The following METTL5 variants were observed in gnomAD, a reference collection of about 807,000 sequenced individuals.
METTL5 encodes rRNA N(6)-adenosine-methyltransferase METTL5.
A neutral mutation model predicts 26.5 loss-of-function variants in METTL5; 28 were observed. The observed-to-expected ratio is 1.06, with a 90% CI of 0.78 to 1.45. The LOEUF is 1.45. Ranked by LOEUF, METTL5 falls within the 40% of genes most tolerant of loss-of-function variation. METTL5 has a pLI of 0.00. For synonymous variants in METTL5, 86 were observed against 82.6 expected (o/e 1.04, Z -0.22); for missense variants, 231 against 249.9 (o/e 0.92, Z 0.51).
In METTL5 at chr2:169,820,988, G is replaced by T. The variant is rs1399104049; in HGVS notation, c.406+104C>A. ...CAAATGATCCTCCTGTATCAGCCTC[G>T]CAAAGCACTGGCATTACACGCCTGA... On this transcript the variant is annotated intron_variant, in intron 3 of 6. Transcript: ENST00000260953. 5 of 957,618 alleles carry T rather than the reference G, an allele frequency of 5.2e-6. No individual in the cohort carries two copies. In the Admixed American group the frequency reaches 8.6e-5, roughly 17 times the overall value. 59.3% of individuals were successfully genotyped at this position (957,618 alleles called of 1,614,324 possible).
At chr2:169,814,816 C>T (rs1388952971) in intron 5 of METTL5, among the ~76,000 whole-genome samples, 1 of 151,876 alleles carries the variant, frequency 6.6e-6, no homozygotes, top group Non-Finnish European at 1.5e-5. Flanking sequence ...ACCTCGTGAT[C>T]CGCCTGCCTC....
intron 3 of METTL5, among the ~76,000 whole-genome samples, chr2:169,819,963 T>C (rs1039950845): frequency 1.2e-5 from 1 of 84,956 alleles, no homozygotes; most frequent in Non-Finnish European, 2.3e-5. Context: ...TTTTAAACTA[T>C]GCATGTCTTT....
In METTL5 at chr2:169,821,127, ATTAC is replaced by A. The variant is rs2081577660; in HGVS notation, c.367_370del (p.Val123LeufsTer2). ...TTTGGTCCCAAAGGGAGGATTCATA[ATTAC>A]TGTATCGAATGACTTGGACATTCTG... is the stretch of plus-strand genomic sequence containing the variant. On this transcript the variant is annotated frameshift_variant, in exon 3 of 7. Coordinates refer to ENST00000260953, the MANE Select transcript of METTL5 (RefSeq NM_014168.4). LOFTEE classifies it high-confidence loss of function. 7 of 1,606,000 alleles carry A rather than the reference ATTAC, an allele frequency of 4.4e-6. No individual in the cohort carries two copies. The highest frequency in any genetic ancestry group is 5.9e-6 in the Non-Finnish European group (7 of 1,177,500).
Position 169,821,149 on chromosome 2 carries a change from A to C in METTL5, c.349T>G (p.Ser117Ala). Residue 117 changes from serine (S) to alanine (A), a missense_variant, in exon 3 of 7, where the codon TCC (serine) becomes GCC (alanine). Physicochemically the swap from Ser to Ala is moderately conservative, Grantham distance 99. Coordinates refer to ENST00000260953, the MANE Select transcript of METTL5 (RefSeq NM_014168.4). ...CDVCLLSNRM[S>A]KSFDTVIMNP... ...ATAATTACTGTATCGAATGACTTGG[A>C]CATTCTGTTAGATAATAAGCACACA... 1.2e-6 allele frequency: 2 copies of C among 1,611,658 alleles called. No homozygotes were observed. Among genetic ancestry groups the C allele is most frequent in the Non-Finnish European group, 1.7e-6 (2 of 1,179,042 alleles).
intron 1 of METTL5, 157 bp downstream of exon 1, chr2:169,824,332 G>C (rs1390381265): frequency 1.6e-6 from 1 of 622,788 alleles, no homozygotes; most frequent in African/African-American, 1.8e-5. Context: ...GGTGTGCCTT[G>C]AGCTGCAGTG....
chr2:169,817,724 A>G (rs938172724), intron 4 of METTL5, among the ~76,000 whole-genome samples: 2 of 131,652 alleles, frequency 1.5e-5, no homozygotes, highest in Admixed American at 8.3e-5. Flanking sequence ...ACGAGAACAC[A>G]TGGACACAGG....
In METTL5 at chr2:169,818,184, C is replaced by T. The variant is rs114130373; in HGVS notation, c.489+1377G>A. ...ACATGATCAGTCCCTAATAAAAGCCCTGGGCACTGAGTCTCTAATGAGCTT... is the reference window on the plus strand; with the variant it reads ...ACATGATCAGTCCCTAATAAAAGCCTTGGGCACTGAGTCTCTAATGAGCTT... On this transcript the variant is annotated intron_variant, in intron 4 of 6. Coordinates refer to ENST00000260953, the MANE Select transcript of METTL5 (RefSeq NM_014168.4). Among the ~76,000 whole-genome samples the T allele has an allele frequency of 8.5e-3, 1,295 of 152,248 alleles. 23 individuals are homozygous for T. Among genetic ancestry groups the T allele is most frequent in the African/African-American group, 0.029 (1,202 of 41,544 alleles).
At chr2:169,822,136 T>C in intron 1 of METTL5, 79 bp from the exon 2 acceptor site, 2 of 1,510,984 alleles carry the variant, frequency 1.3e-6, no homozygotes, top group Non-Finnish European at 8.8e-7. Context: ...CTTTCTAAAA[T>C]AATTTCTTGT....
At chr2:169,812,031 T>A in intron 6 of METTL5, 173 bp from the exon 7 acceptor site, 2 of 718,462 alleles carry the variant, frequency 2.8e-6, no homozygotes, top group Non-Finnish European at 4.6e-6. Context: ...ACAAACTAAC[T>A]AATAAAATAT....
chr2:169,819,307 CTT>C (rs1000226919), intron 4 of METTL5, among the ~76,000 whole-genome samples: 47 of 152,128 alleles, frequency 3.1e-4, no homozygotes, highest in African/African-American at 1.1e-3. Context: ...TTACAACACA[CTT>C]TTCTACTCCT....
intron 6 of METTL5, 96 bp from the exon 7 acceptor site, chr2:169,811,954 G>C: frequency 1.5e-6 from 2 of 1,369,766 alleles, no homozygotes; most frequent in Non-Finnish European, 2.0e-6. Context: ...TGTTATTTCA[G>C]ATGATTCAAA....
At chr2:169,812,414 T>A in intron 6 of METTL5, 43 bp downstream of exon 6, 3 of 1,613,612 alleles carry the variant, frequency 1.9e-6, no homozygotes, top group Non-Finnish European at 2.5e-6. Flanking sequence ...CCCAGAAAGC[T>A]TTTCAATACC....
rs564705731 is a variant in METTL5, at chr2:169,823,004, G to A, written c.110-947C>T. 3.3e-5 allele frequency among the ~76,000 whole-genome samples: 5 copies of A among 152,004 alleles called. No individual in the cohort carries two copies. In the South Asian group the frequency reaches 1.0e-3, roughly 32 times the overall value. On this transcript the variant is annotated intron_variant, in intron 1 of 6. Transcript: ENST00000260953. Reference sequence around the variant, plus strand: ...AGAAGTTTTTTGTTGTTTTTTTTCAGAGACAGGGTCTATCTCTATCACCCA... The same window carrying A: ...AGAAGTTTTTTGTTGTTTTTTTTCAAAGACAGGGTCTATCTCTATCACCCA...
At chr2:169,813,635 A>AC (rs1690053999) in intron 5 of METTL5, among the ~76,000 whole-genome samples, 1 of 151,426 alleles carries the variant, frequency 6.6e-6, no homozygotes, top group South Asian at 2.1e-4. Flanking sequence ...CGGGCGGATG[A>AC]CCTGAGGTGA....
chr2:169,818,293 A>G (rs978616874), intron 4 of METTL5, among the ~76,000 whole-genome samples: 6 of 152,234 alleles, frequency 3.9e-5, no homozygotes, highest in African/African-American at 1.2e-4. Context: ...TACTGGCAGA[A>G]GACTCCAGAA....
At chr2:169,818,911 A>G (rs1007011570) in intron 4 of METTL5, among the ~76,000 whole-genome samples, 4 of 152,220 alleles carry the variant, frequency 2.6e-5, no homozygotes, top group African/African-American at 9.6e-5. Flanking sequence ...ATAGATGACA[A>G]AAGCTCAATT....
chr2:169,823,565 A>T (rs1412346308), intron 1 of METTL5, among the ~76,000 whole-genome samples: 3 of 152,200 alleles, frequency 2.0e-5, no homozygotes, highest in African/African-American at 7.2e-5. Flanking sequence ...CATGCCTGTA[A>T]TCTCAGCACT....
In METTL5 at chr2:169,812,524, C is replaced by T; in HGVS notation, c.542-18G>A. On this transcript the variant is annotated intron_variant, in intron 5 of 6. Coordinates refer to ENST00000260953, the MANE Select transcript of METTL5 (RefSeq NM_014168.4). ...TCGAAGTTCTGTAAAACAAAAGCCA[C>T]CTAAGGATAAAATTGTATTTCCAAG... 1.2e-6 allele frequency: 2 copies of T among 1,611,298 alleles called. No individual in the cohort carries two copies. The highest frequency in any genetic ancestry group is 1.7e-6 in the Non-Finnish European group (2 of 1,179,116).
At chr2:169,817,577 T>C (rs1338657460) in intron 4 of METTL5, among the ~76,000 whole-genome samples, 1 of 152,108 alleles carries the variant, frequency 6.6e-6, no homozygotes, top group African/African-American at 2.4e-5. Flanking sequence ...GTGGCACATA[T>C]ACACCATGGA....
Sources: allele counts gnomAD v4.1 joint callset (sites outside exome capture counted in the v4.1 genomes callset), GRCh38; gene constraint gnomAD v4.1.1; transcripts MANE v1.5; gene names NCBI Gene and HGNC (gene_info 2026-07-23, HGNC 2026-07-21).